TRAPPC9: variants seen among roughly 807,000 people sequenced by gnomAD.
The protein encoded by TRAPPC9 is IKK2 binding protein.
Under a neutral mutation model 124.0 loss-of-function variants are expected in TRAPPC9, and 83 were observed. The observed-to-expected ratio is 0.67, with a 90% confidence interval of 0.56 to 0.80. The LOEUF (loss-of-function observed/expected upper bound fraction) is 0.80, where lower values mean the gene tolerates loss of function less well. Ranked by LOEUF, TRAPPC9 falls within the 30% of genes least tolerant of loss-of-function variation. The pLI is 0.00. For missense variants in TRAPPC9, 1,302 were observed against 1,508.3 expected (o/e 0.86, Z 2.27); for synonymous variants, 638 against 617.5 (o/e 1.03, Z -0.49).
intron 21 of TRAPPC9, among the ~76,000 whole-genome samples, chr8:139,838,474 C>A (rs776970277): frequency 3.9e-5 from 6 of 152,192 alleles, no homozygotes; most frequent in African/African-American, 1.2e-4. Context: ...CAGGACTGAG[C>A]GGGGAGTGAG....
chr8:140,284,147 C>CCGCCGGCGCT, intron 13 of TRAPPC9, 126 bp from the exon 14 acceptor site: 2 of 1,280,500 alleles, frequency 1.6e-6, no homozygotes, highest in Non-Finnish European at 2.2e-6. Context: ...TGCCCGGGGC[C>CCGCCGGCGCT]CGCCGGCGCT....
chr8:140,365,888 C>T (rs1305482260), intron 8 of TRAPPC9, among the ~76,000 whole-genome samples: 1 of 152,158 alleles, frequency 6.6e-6, no homozygotes, highest in East Asian at 1.9e-4. Context: ...GCCTAGTACC[C>T]ATTAGTTATT....
At chr8:140,396,493 C>T (rs1326880751) in intron 7 of TRAPPC9, among the ~76,000 whole-genome samples, 4 of 151,890 alleles carry the variant, frequency 2.6e-5, no homozygotes, top group African/African-American at 9.7e-5. Flanking sequence ...AAATGCTTCA[C>T]CTGGCCGAGA....
At chr8:139,817,237 C>G (rs1824907539) in intron 21 of TRAPPC9, among the ~76,000 whole-genome samples, 1 of 152,166 alleles carries the variant, frequency 6.6e-6, no homozygotes, top group Non-Finnish European at 1.5e-5. Flanking sequence ...GGCCAAGACA[C>G]CAGTTCAGTG....
intron 2 of TRAPPC9, among the ~76,000 whole-genome samples, chr8:140,449,794 C>A (rs2132696367): frequency 6.6e-6 from 1 of 152,344 alleles, no homozygotes; most frequent in South Asian, 2.1e-4. Flanking sequence ...CTACTTCTAG[C>A]TCAGCTAGGA....
intron 11 of TRAPPC9, among the ~76,000 whole-genome samples, chr8:140,296,997 C>A (rs915813515): frequency 6.6e-5 from 10 of 152,338 alleles, no homozygotes; most frequent in African/African-American, 2.2e-4. Context: ...GTGGCCTGCC[C>A]ATCCCCACGG....
At chr8:139,737,071 G>C (rs942551823) in intron 21 of TRAPPC9, among the ~76,000 whole-genome samples, 1 of 152,198 alleles carries the variant, frequency 6.6e-6, no homozygotes, top group Non-Finnish European at 1.5e-5. Flanking sequence ...CTGCCGCTGG[G>C]GGACAGGAAG....
At chr8:140,310,820 T>C (rs2066276492) in intron 10 of TRAPPC9, among the ~76,000 whole-genome samples, 1 of 150,652 alleles carries the variant, frequency 6.6e-6, no homozygotes, top group African/African-American at 2.4e-5. Flanking sequence ...AGAGCAAAGG[T>C]GGGAGCTGGC....
At chr8:139,777,047 A>G (rs1821441763) in intron 21 of TRAPPC9, among the ~76,000 whole-genome samples, 1 of 152,000 alleles carries the variant, frequency 6.6e-6, no homozygotes, top group South Asian at 2.1e-4. Flanking sequence ...CACACACACC[A>G]CCAAGGTCCT....
At chr8:139,890,028 G>A (rs1271023485) in intron 20 of TRAPPC9, among the ~76,000 whole-genome samples, 2 of 152,266 alleles carry the variant, frequency 1.3e-5, no homozygotes, top group Admixed American at 6.5e-5. Flanking sequence ...CATCTCCCAC[G>A]ATGAGGACGG....
rs560142468 is a variant in TRAPPC9, at chr8:140,204,986, G to A, written c.2556+16473C>T. Among the ~76,000 whole-genome samples the A allele has an allele frequency of 4.6e-5, 7 of 152,338 alleles. No homozygotes were observed. In the South Asian group the frequency reaches 1.5e-3, roughly 32 times the overall value. ...GGCCAGATGCCAGAAGGTTACGCTGGAGGAGCTTGCTCAAGAAATTTAAAA... is the reference window on the plus strand; with the variant it reads ...GGCCAGATGCCAGAAGGTTACGCTGAAGGAGCTTGCTCAAGAAATTTAAAA... On this transcript the variant is annotated intron_variant, in intron 17 of 22. Transcript: ENST00000438773.
At chr8:140,134,319 T>C (rs1269571935) in intron 17 of TRAPPC9, among the ~76,000 whole-genome samples, 1 of 152,130 alleles carries the variant, frequency 6.6e-6, no homozygotes, top group African/African-American at 2.4e-5. Context: ...CAGGCTAGAA[T>C]GCTGTGGTGT....
At chr8:140,362,667 C>T (rs1438200364) in intron 8 of TRAPPC9, among the ~76,000 whole-genome samples, 2 of 152,134 alleles carry the variant, frequency 1.3e-5, no homozygotes, top group African/African-American at 4.8e-5. Context: ...CTGCAATATT[C>T]CACATTGTCA....
intron 17 of TRAPPC9, among the ~76,000 whole-genome samples, chr8:140,044,525 A>C (rs1841466454): frequency 6.6e-6 from 1 of 152,248 alleles, no homozygotes; most frequent in East Asian, 1.9e-4. Context: ...AAAAATTGGC[A>C]TTATAACCTG....
chr8:139,778,098 G>T (rs1821522491), intron 21 of TRAPPC9, among the ~76,000 whole-genome samples: 1 of 152,170 alleles, frequency 6.6e-6, no homozygotes, highest in South Asian at 2.1e-4. Flanking sequence ...AAACACTTGA[G>T]AAGTTACAGG....
At chr8:139,959,055 G>GAGTCACACGGGGGAGCCCTGCATTCCA (rs1835203646) in intron 19 of TRAPPC9, among the ~76,000 whole-genome samples, 2 of 151,652 alleles carry the variant, frequency 1.3e-5, no homozygotes, top group African/African-American at 4.9e-5. Context: ...CCTGCATTCC[G>GAGTCACACGGGGGAGCCCTGCATTCCA]AGTCACACGG....
intron 19 of TRAPPC9, among the ~76,000 whole-genome samples, chr8:139,956,157 CG>C (rs975044032): frequency 1.3e-5 from 2 of 151,638 alleles, no homozygotes; most frequent in South Asian, 2.1e-4. Flanking sequence ...GATGTTGTTT[CG>C]TTTTTTTTTT....
At chr8:139,820,219 C>A (rs1825163767) in intron 21 of TRAPPC9, among the ~76,000 whole-genome samples, 1 of 151,802 alleles carries the variant, frequency 6.6e-6, no homozygotes, top group African/African-American at 2.4e-5. Context: ...CTTACTTTGC[C>A]ACCCAGGCTG....
chr8:140,321,853 T>C (rs2066604646), intron 9 of TRAPPC9, among the ~76,000 whole-genome samples: 1 of 152,142 alleles, frequency 6.6e-6, no homozygotes, highest in Non-Finnish European at 1.5e-5. Flanking sequence ...GCCTGGCAGC[T>C]GCCACAGAAA....
Sources: allele counts gnomAD v4.1 joint callset (sites outside exome capture counted in the v4.1 genomes callset), GRCh38; gene constraint gnomAD v4.1.1; transcripts MANE v1.5; gene names NCBI Gene and HGNC (gene_info 2026-07-23, HGNC 2026-07-21).